Variants in AKT3 observed in about 807,000 individuals in gnomAD.
The protein encoded by AKT3 is RAC-gamma serine/threonine-protein kinase.
Under a neutral mutation model 65.3 loss-of-function variants are expected in AKT3, and 15 were observed. The observed-to-expected ratio is 0.23, with a 90% CI of 0.15 to 0.35. The LOEUF (loss-of-function observed/expected upper bound fraction) is 0.35. AKT3 is among the 10% of genes least tolerant of loss of function. The pLI, the probability that AKT3 is intolerant of heterozygous loss-of-function variation, is 1.00. For synonymous variants in AKT3, 206 were observed against 183.8 expected (o/e 1.12, Z -0.98); for missense variants, 243 against 576.5 (o/e 0.42, Z 5.92).
At position 243,501,431 on chromosome 1, in the gene AKT3, CG is replaced by C. The variant is rs1242656316; in HGVS notation, c.*3817del. The C allele has an allele frequency of 4.3e-6, 1 of 233,072 alleles. No individual in the cohort carries two copies. The highest frequency in any genetic ancestry group is 2.2e-5 in the African/African-American group (1 of 45,326). The allele number at this position is 233,072 out of a possible 1,614,324, so 14.4% of individuals were successfully genotyped here. On this transcript the variant is annotated 3_prime_UTR_variant, in exon 14 of 14. Coordinates refer to ENST00000673466, the MANE Select transcript of AKT3 (RefSeq NM_005465.7). ...CAAACCGTGTGTTGTATAGATGATT[CG>C]GGTCTGAATGTCCCCAGGGTCTGAG...
intron 2 of AKT3, among the ~76,000 whole-genome samples, chr1:243,711,496 T>C (rs1686156499): frequency 6.6e-6 from 1 of 152,264 alleles, no homozygotes; most frequent in East Asian, 1.9e-4. Flanking sequence ...AAACATAAGG[T>C]TCCAAGAAAC....
chr1:243,836,463 A>G (rs143604100), intron 2 of AKT3, among the ~76,000 whole-genome samples: 1 of 152,096 alleles, frequency 6.6e-6, no homozygotes, highest in African/African-American at 2.4e-5. Flanking sequence ...GAGTCACAGA[A>G]CTAGAGGAAA....
intron 8 of AKT3, among the ~76,000 whole-genome samples, chr1:243,607,897 T>C (rs1194080230): frequency 6.6e-6 from 1 of 152,154 alleles, no homozygotes; most frequent in African/African-American, 2.4e-5. Flanking sequence ...TAAGAAGCTT[T>C]TCCCCCTTTG....
intron 2 of AKT3, among the ~76,000 whole-genome samples, chr1:243,811,905 A>G (rs1693184831): frequency 6.6e-6 from 1 of 152,214 alleles, no homozygotes; most frequent in Non-Finnish European, 1.5e-5. Flanking sequence ...AAACCTGACA[A>G]AAACAAGCAA....
rs971983803 is a variant in AKT3 at position 243,560,212 on chromosome 1, A to G, written c.948+3508T>C. On this transcript the variant is annotated intron_variant, in intron 10 of 13. Coordinates refer to ENST00000673466, the MANE Select transcript of AKT3 (RefSeq NM_005465.7). The stretch of plus-strand genomic sequence containing the variant: ...AAAGCAGTTATTTTCTTGCACAGTA[A>G]TAACTGTTTTCCATGTCTTATCACC... 2.0e-5 allele frequency among the ~76,000 whole-genome samples: 3 copies of G among 152,210 alleles called. No individual in the cohort carries two copies. The South Asian group carries it at 6.2e-4, about 32-fold the overall frequency.
At chr1:243,656,113 T>TGGG (rs930966768) in intron 4 of AKT3, among the ~76,000 whole-genome samples, 2 of 40,746 alleles carry the variant, frequency 4.9e-5, no homozygotes, top group African/African-American at 9.3e-5. Flanking sequence ...CGGGGGGGTG[T>TGGG]GGGGGGGTAA....
chr1:243,721,109 G>A (rs1480395458), intron 2 of AKT3, among the ~76,000 whole-genome samples: 1 of 152,002 alleles, frequency 6.6e-6, no homozygotes, highest in African/African-American at 2.4e-5. Flanking sequence ...ATAAAGACTA[G>A]ATCTCTCTTC....
Position 243,787,931 on chromosome 1 carries a change from A to G in AKT3, c.46+55194T>C, listed in dbSNP as rs139221748. Among the ~76,000 whole-genome samples the G allele has an allele frequency of 6.4e-4, 97 of 152,254 alleles. 1 individual carries two copies. The highest frequency in any genetic ancestry group is 1.2e-3 in the Admixed American group (19 of 15,290). ...TCTTCCCCACCTCCATTCCCCTCAG[A>G]TCCCACCACAGAAGTTTCATGAGAA... On this transcript the variant is annotated intron_variant, in intron 2 of 13. Coordinates refer to ENST00000673466, the MANE Select transcript of AKT3 (RefSeq NM_005465.7).
At chr1:243,638,405 G>C (rs1013704345) in intron 5 of AKT3, among the ~76,000 whole-genome samples, 2 of 152,094 alleles carry the variant, frequency 1.3e-5, no homozygotes, top group Admixed American at 6.6e-5. Context: ...GTAATCCTGA[G>C]GATTTTGCCA....
chr1:243,740,196 A>C (rs1024935557), intron 2 of AKT3, among the ~76,000 whole-genome samples: 3 of 152,116 alleles, frequency 2.0e-5, no homozygotes, highest in South Asian at 2.1e-4. Context: ...TTAGACTCTC[A>C]AGTTTGGAAA....
At chr1:243,825,388 G>A (rs762918595) in intron 2 of AKT3, among the ~76,000 whole-genome samples, 8 of 152,192 alleles carry the variant, frequency 5.3e-5, no homozygotes, top group Non-Finnish European at 1.2e-4. Context: ...TCCTGCACAT[G>A]AATCCCAGAA....
intron 12 of AKT3, among the ~76,000 whole-genome samples, chr1:243,528,722 T>C (rs975932449): frequency 1.3e-5 from 2 of 152,234 alleles, no homozygotes; most frequent in Admixed American, 6.5e-5. Context: ...CAATCTGTAA[T>C]TGATGGGCAT....
At chr1:243,558,689 T>C (rs1673572896) in intron 10 of AKT3, among the ~76,000 whole-genome samples, 1 of 152,090 alleles carries the variant, frequency 6.6e-6, no homozygotes, top group Non-Finnish European at 1.5e-5. Context: ...ATTTTTACAC[T>C]ATTACAGAAG....
chr1:243,741,363 TA>T (rs1044661493), intron 2 of AKT3, among the ~76,000 whole-genome samples: 2 of 152,196 alleles, frequency 1.3e-5, no homozygotes, highest in African/African-American at 4.8e-5. Context: ...AATACTTTAT[TA>T]AGAAGCATTC....
At chr1:243,589,822 A>ATC (rs1258031105) in intron 8 of AKT3, among the ~76,000 whole-genome samples, 9 of 152,206 alleles carry the variant, frequency 5.9e-5, no homozygotes, top group Non-Finnish European at 7.3e-5. Context: ...CTCTATATAT[A>ATC]TAGATTTCTT....
intron 2 of AKT3, among the ~76,000 whole-genome samples, chr1:243,726,311 C>T (rs1687207125): frequency 6.6e-6 from 1 of 152,014 alleles, no homozygotes; most frequent in Non-Finnish European, 1.5e-5. Flanking sequence ...GTGGTGAAAT[C>T]TGGAAAAATT....
chr1:243,783,653 G>T (rs1200305588), intron 2 of AKT3, among the ~76,000 whole-genome samples: 3 of 152,068 alleles, frequency 2.0e-5, no homozygotes, highest in Non-Finnish European at 4.4e-5. Flanking sequence ...GTACGACAAA[G>T]CTAGGACATG....
At chr1:243,728,391 A>G (rs1418052608) in intron 2 of AKT3, among the ~76,000 whole-genome samples, 1 of 152,206 alleles carries the variant, frequency 6.6e-6, no homozygotes, top group Non-Finnish European at 1.5e-5. Flanking sequence ...GTGACAGGCA[A>G]TAAACTCTAT....
chr1:243,707,425 T>C (rs1001789118), intron 2 of AKT3, among the ~76,000 whole-genome samples: 1 of 152,276 alleles, frequency 6.6e-6, no homozygotes, highest in East Asian at 1.9e-4. Context: ...AAATCTCTAG[T>C]GAAAGACTGA....
Sources: allele counts gnomAD v4.1 joint callset (sites outside exome capture counted in the v4.1 genomes callset), GRCh38; gene constraint gnomAD v4.1.1; transcripts MANE v1.5; gene names NCBI Gene and HGNC (gene_info 2026-07-23, HGNC 2026-07-21).